RFWD3: variants seen among roughly 807,000 people sequenced by gnomAD.
RFWD3 encodes the protein ring finger and WD repeat domain 3.
In RFWD3, 65 loss-of-function variants were observed where a neutral mutation model predicts 87.7. The observed-to-expected ratio is 0.74, with a 90% CI of 0.61 to 0.91. The LOEUF (loss-of-function observed/expected upper bound fraction) is 0.91. Among genes scored for constraint, RFWD3 ranks in the 40% least tolerant of loss-of-function variants. RFWD3 has a pLI of 0.00. For synonymous variants in RFWD3, 433 were observed against 352.8 expected (o/e 1.23, Z -2.55); for missense variants, 1,078 against 938.5 (o/e 1.15, Z -1.94).
rs1253375585 is a variant in RFWD3, at chr16:74,644,378, G to A, written c.1063C>T (p.Gln355Ter). Reference sequence around the variant, plus strand: ...ACCACCTACCTTTTCATGCGCTCCTGTTCACTAGTGTCCAAAGCTCTCAGG... The same window carrying A: ...ACCACCTACCTTTTCATGCGCTCCTATTCACTAGTGTCCAAAGCTCTCAGG... ...RTLRALDTSEQERMKSSLLKE... is the reference protein window; with the variant it reads ...RTLRALDTSE The change falls in exon 6 of 13, where the codon CAG becomes TAG. Residue 355 changes from glutamine to a stop codon, truncating the protein, a stop_gained. Coordinates refer to ENST00000361070, the MANE Select transcript of RFWD3 (RefSeq NM_018124.4). LOFTEE classifies it high-confidence loss of function. The A allele has an allele frequency of 1.2e-6, 2 of 1,613,998 alleles. No homozygotes were observed. The highest frequency in any genetic ancestry group is 1.1e-5 in the South Asian group (1 of 91,084).
intron 6 of RFWD3, among the ~76,000 whole-genome samples, chr16:74,638,571 T>C (rs940642992): frequency 5.9e-5 from 9 of 152,132 alleles, no homozygotes; most frequent in African/African-American, 2.2e-4. Flanking sequence ...TCCAGTAAGA[T>C]ATGCAAGAAA....
At chr16:74,636,714 G>GTT in intron 7 of RFWD3, 137 bp from the exon 8 acceptor site, 2 of 698,148 alleles carry the variant, frequency 2.9e-6, no homozygotes, top group African/African-American at 1.8e-5. Flanking sequence ...GAACTGCAGA[G>GTT]TTTTTGTTTT....
At chr16:74,646,038 A>G (rs2144215781) in intron 4 of RFWD3, among the ~76,000 whole-genome samples, 1 of 152,170 alleles carries the variant, frequency 6.6e-6, no homozygotes, top group Non-Finnish European at 1.5e-5. Context: ...GTGAGCCACC[A>G]TGCCCAGCCA....
chr16:74,649,077 C>T, intron 4 of RFWD3, 55 bp downstream of exon 4: 2 of 1,222,010 alleles, frequency 1.6e-6, no homozygotes, highest in African/African-American at 3.2e-5. Context: ...GAGACCTAGT[C>T]TCTAAAAATA....
chr16:74,659,854 C>T (rs1961288990), intron 2 of RFWD3, among the ~76,000 whole-genome samples: 1 of 152,154 alleles, frequency 6.6e-6, no homozygotes, highest in South Asian at 2.1e-4. Context: ...TAATAGATGA[C>T]CTAGCTACCA....
In RFWD3 at chr16:74,639,908, T is replaced by C. The variant is rs181226018; in HGVS notation, c.1080-1938A>G. Among the ~76,000 whole-genome samples the C allele has an allele frequency of 1.6e-3, 241 of 152,254 alleles. 1 individual carries two copies. The highest frequency in any genetic ancestry group is 4.9e-3 in the African/African-American group (205 of 41,554). ...CACAACCTACAAATATCGAGATATG[T>C]TGAGAGAGAGATGGAGACCACACTC... On this transcript the variant is annotated intron_variant, in intron 6 of 12. Transcript: ENST00000361070.
At chr16:74,663,643 A>G (rs1451523869) in intron 1 of RFWD3, among the ~76,000 whole-genome samples, 2 of 152,186 alleles carry the variant, frequency 1.3e-5, no homozygotes, top group African/African-American at 4.8e-5. Context: ...AACCTGAGAC[A>G]TTTTTTTAAG....
chr16:74,649,702 G>C (rs1409546468), intron 3 of RFWD3, among the ~76,000 whole-genome samples: 1 of 152,070 alleles, frequency 6.6e-6, no homozygotes, highest in Non-Finnish European at 1.5e-5. Context: ...TTTCCCAATA[G>C]TTTTAAAGCT....
rs369100110 is a variant in RFWD3, at chr16:74,623,918, G to A, written c.*10C>T. Reference sequence around the variant, plus strand: ...ACCAGCAGCATGCCTTCAAGGTTTCGAGACCACAGTCACTCCCACTTATAG... The same window carrying A: ...ACCAGCAGCATGCCTTCAAGGTTTCAAGACCACAGTCACTCCCACTTATAG... On this transcript the variant is annotated 3_prime_UTR_variant, in exon 13 of 13. Transcript: ENST00000361070. The A allele has an allele frequency of 2.6e-5, 42 of 1,613,566 alleles. 2 individuals carry two copies. The highest frequency in any genetic ancestry group is 1.5e-4 in the Admixed American group (9 of 59,940).
In RFWD3 at chr16:74,632,552, A is replaced by G; in HGVS notation, c.1548T>C (p.Ala516=). The G allele has an allele frequency of 1.2e-6, 2 of 1,614,042 alleles. No individual in the cohort carries two copies. The highest frequency in any genetic ancestry group is 1.1e-5 in the South Asian group (1 of 91,082). The change falls in exon 9 of 13, where the codon GCT becomes GCC. Residue 516 remains alanine (A), a synonymous_variant. Transcript: ENST00000361070. ...SSYLRGLLLS[A]SLDNTIKLTS... Reference sequence around the variant, plus strand: ...TCAGTTTAATAGTGTTGTCTAGGGAAGCAGAGAGTAGCAAGCCTCTGAGGT... The same window carrying G: ...TCAGTTTAATAGTGTTGTCTAGGGAGGCAGAGAGTAGCAAGCCTCTGAGGT...
At chr16:74,641,310 G>A (rs957853780) in intron 6 of RFWD3, among the ~76,000 whole-genome samples, 40 of 151,902 alleles carry the variant, frequency 2.6e-4, no homozygotes, top group Admixed American at 2.4e-3. Flanking sequence ...CTACAGGTGC[G>A]TGCCACCATG....
At chr16:74,634,823 A>G (rs8060923) in intron 8 of RFWD3, among the ~76,000 whole-genome samples, 129,437 of 150,740 alleles carry the variant, frequency 0.86, 55,793 homozygotes, top group African/African-American at 0.95. Context: ...AAAAGGGGGG[A>G]AGGGGGGCGC....
chr16:74,654,161 G>C (rs144820486), intron 2 of RFWD3, among the ~76,000 whole-genome samples: 1 of 152,122 alleles, frequency 6.6e-6, no homozygotes, highest in East Asian at 1.9e-4. Flanking sequence ...TGGTAGTCAT[G>C]TCCTCTCTTT....
At chr16:74,652,267 A>G in intron 2 of RFWD3, 145 bp from the exon 3 acceptor site, 1 of 693,280 alleles carries the variant, frequency 1.4e-6, no homozygotes, top group Non-Finnish European at 2.4e-6. Context: ...CAGGTATAGC[A>G]GATAAGGGGG....
intron 12 of RFWD3, among the ~76,000 whole-genome samples, chr16:74,625,130 G>A (rs546566295): frequency 2.0e-5 from 3 of 151,704 alleles, no homozygotes; most frequent in Non-Finnish European, 4.4e-5. Flanking sequence ...AACCCAGGAG[G>A]TGGAGGTTGT....
chr16:74,655,550 G>A (rs1402973023), intron 2 of RFWD3, among the ~76,000 whole-genome samples: 2 of 151,568 alleles, frequency 1.3e-5, no homozygotes, highest in African/African-American at 4.8e-5. Flanking sequence ...CCCAGCTGAA[G>A]CCGATGCTCT....
At chr16:74,633,619 A>G (rs1959167603) in intron 8 of RFWD3, among the ~76,000 whole-genome samples, 1 of 152,140 alleles carries the variant, frequency 6.6e-6, no homozygotes. Flanking sequence ...GGGGCAGGTG[A>G]GATTATCAAA....
intron 7 of RFWD3, among the ~76,000 whole-genome samples, chr16:74,637,562 G>A (rs939282265): frequency 6.6e-6 from 1 of 152,172 alleles, no homozygotes; most frequent in South Asian, 2.1e-4. Context: ...GAACCCAGGA[G>A]ACAGAGGTTG....
chr16:74,647,943 T>A (rs1960283921), intron 4 of RFWD3, among the ~76,000 whole-genome samples: 1 of 151,862 alleles, frequency 6.6e-6, no homozygotes, highest in African/African-American at 2.4e-5. Context: ...TCTGCCTGAT[T>A]TTTTTTTAAT....
Sources: allele counts gnomAD v4.1 joint callset (sites outside exome capture counted in the v4.1 genomes callset), GRCh38; gene constraint gnomAD v4.1.1; transcripts MANE v1.5; gene names NCBI Gene and HGNC (gene_info 2026-07-23, HGNC 2026-07-21).